Variants in CNTRL observed in about 807,000 individuals in gnomAD.
CNTRL encodes centriolin.
CNTRL carries 233 observed loss-of-function variants against 303.7 expected under a neutral mutation model. That is an observed-to-expected ratio of 0.77 (90% confidence interval 0.69 to 0.86). The LOEUF (loss-of-function observed/expected upper bound fraction) is 0.86, where lower values mean the gene tolerates loss of function less well. Among genes scored for constraint, CNTRL ranks in the 40% least tolerant of loss-of-function variants. The probability of loss-of-function intolerance (pLI) is 0.00; values close to 1 mark genes in which losing one functional copy is unlikely to be tolerated. For missense variants in CNTRL, 2,524 were observed against 2,650.6 expected (o/e 0.95, Z 1.05); for synonymous variants, 900 against 922.2 (o/e 0.98, Z 0.44).
chr9:121,165,029 A>G lies in CNTRL; in HGVS notation c.5510A>G (p.Glu1837Gly). The change falls in exon 35 of 44, where the codon GAA (glutamate) becomes GGA (glycine). Residue 1837 changes from glutamate (E) to glycine (G), a missense_variant. By Grantham distance (98) the Glu-to-Gly change is moderately conservative (BLOSUM62 -2). Coordinates refer to ENST00000373855, the MANE Select transcript of CNTRL (RefSeq NM_007018.6). Reference sequence around the variant, plus strand: ...TTGAATGTCAGAAAACTGCAGCAGGAACTAGACCAACTAAACAGAGACAAG... The same window carrying G: ...TTGAATGTCAGAAAACTGCAGCAGGGACTAGACCAACTAAACAGAGACAAG... ...LELNVRKLQQELDQLNRDKLS... is the reference protein window; with the variant it reads ...LELNVRKLQQGLDQLNRDKLS... 1 of 1,610,122 alleles carries G rather than the reference A, an allele frequency of 6.2e-7. No homozygotes were observed. The highest frequency in any genetic ancestry group is 2.2e-5 in the East Asian group (1 of 44,534).
chr9:121,176,775 CATTTT>C (rs1390887744), intron 43 of CNTRL, among the ~76,000 whole-genome samples: 4 of 152,144 alleles, frequency 2.6e-5, no homozygotes, highest in African/African-American at 9.7e-5. Flanking sequence ...CTGAGCGTAA[CATTTT>C]ATTTCCCTTT....
At chr9:121,125,156 A>G (rs1186250869) in intron 13 of CNTRL, among the ~76,000 whole-genome samples, 2 of 150,068 alleles carry the variant, frequency 1.3e-5, no homozygotes, top group South Asian at 4.2e-4. Flanking sequence ...TTTTTATTTT[A>G]TTTGTAAATT....
chr9:121,157,424 G>T (rs2131678204), intron 27 of CNTRL, 46 bp from the exon 28 acceptor site: 1 of 1,593,764 alleles, frequency 6.3e-7, no homozygotes, highest in African/African-American at 1.3e-5. Flanking sequence ...GTAGCTGTGA[G>T]TGAGTATTGT....
At chr9:121,075,179 G>A (rs546416831) in intron 1 of CNTRL, 112 bp downstream of exon 1, 2 of 340,366 alleles carry the variant, frequency 5.9e-6, no homozygotes, top group East Asian at 1.7e-4. Context: ...GGCTTGGGAT[G>A]GATTCGGGGC....
chr9:121,096,268 G>T (rs1466811250), intron 5 of CNTRL, among the ~76,000 whole-genome samples, 154 bp from the exon 6 acceptor site: 1 of 152,170 alleles, frequency 6.6e-6, no homozygotes, highest in Non-Finnish European at 1.5e-5. Flanking sequence ...TTTGGCTTTA[G>T]CCACTTTTCT....
Position 121,177,284 on chromosome 9 carries a change from A to G in CNTRL, c.*98A>G. On this transcript the variant is annotated 3_prime_UTR_variant, in exon 44 of 44. Transcript: ENST00000373855. ...CACATGGTTTTTTTAATCAAGATGC[A>G]GTGAACTGAGATTCTGAAACTCCAC... The G allele has an allele frequency of 6.9e-6, 7 of 1,015,082 alleles. No individual in the cohort carries two copies. The highest frequency in any genetic ancestry group is 1.1e-5 in the Non-Finnish European group (7 of 656,022). 62.9% of individuals were successfully genotyped at this position (1,015,082 alleles called of 1,614,324 possible).
In CNTRL at chr9:121,151,330, T is replaced by G. The variant is rs190058850; in HGVS notation, c.3963+847T>G. Among the ~76,000 whole-genome samples the G allele has an allele frequency of 5.8e-3, 877 of 151,564 alleles. 21 individuals are homozygous for G. The highest frequency in any genetic ancestry group is 7.8e-3 in the Non-Finnish European group (527 of 67,848). ...TCTTACTGTATCTCTTAGGCTAGAT[T>G]CTAAGAAATAATTATTTCCTAATTA... On this transcript the variant is annotated intron_variant, in intron 25 of 43. Coordinates refer to ENST00000373855, the MANE Select transcript of CNTRL (RefSeq NM_007018.6).
At chr9:121,108,070 A>G in intron 8 of CNTRL, 75 bp downstream of exon 8, 1 of 972,858 alleles carries the variant, frequency 1.0e-6, no homozygotes, top group Non-Finnish European at 1.5e-6. Flanking sequence ...GTCTAAAAAT[A>G]CAACTTCCTG....
chr9:121,166,566 G>A (rs760374365), intron 36 of CNTRL, among the ~76,000 whole-genome samples: 8 of 152,082 alleles, frequency 5.3e-5, no homozygotes, highest in East Asian at 1.9e-4. Context: ...TAGAGTACCC[G>A]CCAAATCTGG....
At chr9:121,122,106 G>T (rs1193155666) in intron 12 of CNTRL, among the ~76,000 whole-genome samples, 2 of 152,152 alleles carry the variant, frequency 1.3e-5, no homozygotes, top group Non-Finnish European at 2.9e-5. Context: ...TACACCATTG[G>T]CATATTGAAC....
rs1235862007 is a variant in CNTRL at position 121,090,417 on chromosome 9, A to G, written c.348+12A>G. 6.2e-7 allele frequency: 1 copy of G among 1,606,676 alleles called. No individual in the cohort carries two copies. The highest frequency in any genetic ancestry group is 8.5e-7 in the Non-Finnish European group (1 of 1,177,620). Reference sequence around the variant, plus strand: ...GCAAGAAATTTAAGGTAGGTTACCAACAATTTCTGAGCATAGATACTGTTT... The same window carrying G: ...GCAAGAAATTTAAGGTAGGTTACCAGCAATTTCTGAGCATAGATACTGTTT... On this transcript the variant is annotated intron_variant, in intron 4 of 43. Coordinates refer to ENST00000373855, the MANE Select transcript of CNTRL (RefSeq NM_007018.6).
At chr9:121,125,216 G>A (rs2050449671) in intron 13 of CNTRL, among the ~76,000 whole-genome samples, 1 of 149,518 alleles carries the variant, frequency 6.7e-6, no homozygotes, top group Admixed American at 6.7e-5. Context: ...CACCCAGGCT[G>A]GAGTGCAGTG....
Position 121,148,798 on chromosome 9 carries a change from G to A in CNTRL, c.3586G>A (p.Ala1196Thr), listed in dbSNP as rs751504756. The change falls in exon 24 of 44, where the codon GCC becomes ACC. Residue 1196 changes from alanine (A) to threonine (T), a missense_variant. Ala to Thr is a moderately conservative substitution (Grantham distance 58). Transcript: ENST00000373855. Reference sequence around the variant, plus strand: ...GAAGGAAGGCAGTCAACCTCCCCCTGCCTCAGGATACTGGGTTTATTCTCC... The same window carrying A: ...GAAGGAAGGCAGTCAACCTCCCCCTACCTCAGGATACTGGGTTTATTCTCC... ...DGKEGSQPPP[A>T]SGYWVYSPIR... The A allele has an allele frequency of 1.6e-5, 26 of 1,613,874 alleles. No homozygotes were observed. The highest frequency in any genetic ancestry group is 2.1e-5 in the Non-Finnish European group (25 of 1,180,006).
At chr9:121,174,897 A>T in intron 42 of CNTRL, 121 bp from the exon 43 acceptor site, 2 of 840,114 alleles carry the variant, frequency 2.4e-6, no homozygotes, top group Non-Finnish European at 4.0e-6. Context: ...AAAGATGAGC[A>T]TTTTTGACAG....
chr9:121,128,286 C>T (rs1329245995), intron 14 of CNTRL, among the ~76,000 whole-genome samples: 1 of 152,208 alleles, frequency 6.6e-6, no homozygotes, highest in Non-Finnish European at 1.5e-5. Flanking sequence ...TCCTGTTTCT[C>T]CACATCCTCT....
At position 121,154,809 on chromosome 9, in the gene CNTRL, A is replaced by G. The variant is rs2052475457; in HGVS notation, c.4261A>G (p.Ile1421Val). ...ACATCATGAAGATATTGTAGATGAA[A>G]TTGAGTGCATTGAGAAGACTCTTCT... is the stretch of plus-strand genomic sequence containing the variant. ...LKHHEDIVDEIECIEKTLLKR... is the reference protein window; with the variant it reads ...LKHHEDIVDEVECIEKTLLKR... Residue 1421 changes from isoleucine to valine, a missense_variant, in exon 27 of 44, where the codon ATT becomes GTT. Ile to Val is a conservative substitution (Grantham distance 29). Transcript: ENST00000373855. 1 of 1,613,070 alleles carries G rather than the reference A, an allele frequency of 6.2e-7. No homozygotes were observed. Among genetic ancestry groups the G allele is most frequent in the Admixed American group, 1.7e-5 (1 of 60,008 alleles).
intron 27 of CNTRL, among the ~76,000 whole-genome samples, chr9:121,155,692 A>G (rs1482957067): frequency 1.3e-5 from 2 of 152,212 alleles, no homozygotes; most frequent in African/African-American, 2.4e-5. Flanking sequence ...TTATTGAGCC[A>G]CTGCTGTGGC....
chr9:121,088,598 A>G, intron 3 of CNTRL, 55 bp downstream of exon 3: 4 of 1,205,866 alleles, frequency 3.3e-6, no homozygotes, highest in Non-Finnish European at 4.8e-6. Context: ...GTAGAGATGG[A>G]AAATTTTCGG....
At chr9:121,169,516 A>G (rs1269091574) in intron 38 of CNTRL, 95 bp from the exon 39 acceptor site, 2 of 1,179,696 alleles carry the variant, frequency 1.7e-6, no homozygotes, top group African/African-American at 1.5e-5. Context: ...CATGGGTAGC[A>G]TATCACCATT....
Sources: gnomAD v4.1 joint callset for allele counts (sites outside exome capture counted in the v4.1 genomes callset) on GRCh38, gnomAD v4.1.1 for gene constraint, MANE v1.5 for transcripts, NCBI Gene and HGNC (gene_info 2026-07-23, HGNC 2026-07-21) for gene names.